PCDH15: variants seen among roughly 807,000 people sequenced by gnomAD.
PCDH15 encodes protocadherin related 15, also known as protocadherin-15.
Under a neutral mutation model 178.5 loss-of-function variants are expected in PCDH15, and 129 were observed. That is an observed-to-expected ratio of 0.72 (90% confidence interval 0.63 to 0.84). The LOEUF (loss-of-function observed/expected upper bound fraction) is 0.84, where lower values mean the gene tolerates loss of function less well. Among genes scored for constraint, PCDH15 ranks in the 40% least tolerant of loss-of-function variants. The pLI is 0.00. For missense variants in PCDH15, 2,230 were observed against 2,099.9 expected, an observed-to-expected ratio of 1.06 and a Z score of -1.21; for synonymous variants, 800 against 732.0, an observed-to-expected ratio of 1.09 and a Z score of -1.50.
intron 8 of PCDH15, among the ~76,000 whole-genome samples, chr10:54,293,298 C>T (rs950852914): frequency 2.0e-5 from 3 of 152,132 alleles, no homozygotes; most frequent in Admixed American, 1.3e-4. Flanking sequence ...CTTCCTTACA[C>T]CTTATACAAA....
intron 8 of PCDH15, among the ~76,000 whole-genome samples, chr10:54,298,617 A>G (rs899290619): frequency 9.9e-5 from 15 of 152,190 alleles, no homozygotes; most frequent in African/African-American, 3.6e-4. Flanking sequence ...CAGAGGGCAA[A>G]GGTTCTCTGG....
intron 2 of PCDH15, among the ~76,000 whole-genome samples, chr10:55,378,405 T>TAGA (rs1307034365): frequency 3.9e-5 from 6 of 152,110 alleles, no homozygotes; most frequent in Non-Finnish European, 5.9e-5. Flanking sequence ...ACTGTTGGAA[T>TAGA]TTGGTGCTAT....
intron 2 of PCDH15, among the ~76,000 whole-genome samples, chr10:55,065,699 G>T (rs1841547774): frequency 6.6e-6 from 1 of 151,958 alleles, no homozygotes; most frequent in African/African-American, 2.4e-5. Flanking sequence ...AAAAATAGTG[G>T]ATTCTTAGTA....
intron 2 of PCDH15, among the ~76,000 whole-genome samples, chr10:55,539,908 A>T (rs1429716546): frequency 6.6e-6 from 1 of 152,096 alleles, no homozygotes; most frequent in Middle Eastern, 3.2e-3. Context: ...TAATCCTCAC[A>T]ATTCTTTGAG....
intron 15 of PCDH15, among the ~76,000 whole-genome samples, chr10:54,123,115 G>C (rs939389323): frequency 5.3e-5 from 8 of 152,106 alleles, no homozygotes; most frequent in African/African-American, 1.4e-4. Flanking sequence ...CTTTGGCAAA[G>C]GATTTATGAT....
At chr10:54,498,895 G>A (rs1404303432) in intron 3 of PCDH15, among the ~76,000 whole-genome samples, 2 of 152,082 alleles carry the variant, frequency 1.3e-5, no homozygotes, top group African/African-American at 4.8e-5. Flanking sequence ...GATGGAAGGG[G>A]AAGTAGGCAC....
At chr10:54,426,838 T>G (rs1358019025) in intron 3 of PCDH15, among the ~76,000 whole-genome samples, 1 of 152,080 alleles carries the variant, frequency 6.6e-6, no homozygotes. Flanking sequence ...TATCTACTTT[T>G]AAATACTTTA....
chr10:55,608,101 T>C (rs888365666), intron 2 of PCDH15, among the ~76,000 whole-genome samples: 3 of 152,028 alleles, frequency 2.0e-5, no homozygotes, highest in African/African-American at 4.8e-5. Context: ...TCTATGAGTG[T>C]AGAAGTAATA....
intron 1 of PCDH15, among the ~76,000 whole-genome samples, chr10:54,769,700 G>A (rs1006845566): frequency 1.3e-5 from 2 of 151,988 alleles, no homozygotes; most frequent in African/African-American, 2.4e-5. Context: ...TTGTGACAAA[G>A]TTTCTAGAAT....
rs142265872 is a variant in PCDH15, at chr10:55,401,407, T to C, written c.-156+226218A>G. Among the ~76,000 whole-genome samples the C allele has an allele frequency of 5.0e-4, 76 of 152,164 alleles. 1 individual carries two copies. Among genetic ancestry groups the C allele is most frequent in the African/African-American group, 1.6e-3 (68 of 41,554 alleles). ...TAGTCATATGGGAGGAATTTGGCCA[T>C]AGAAATGATAAAGAAGAAAATGACA... On this transcript the variant is annotated intron_variant, in intron 2 of 5. Transcript: ENST00000613346.
chr10:55,370,720 C>T (rs1845486606), intron 2 of PCDH15, among the ~76,000 whole-genome samples: 1 of 152,024 alleles, frequency 6.6e-6, no homozygotes, highest in African/African-American at 2.4e-5. Context: ...AGAAGTGTAC[C>T]TTTAAGCCAC....
At chr10:54,774,930 C>A (rs1949530558) in intron 1 of PCDH15, among the ~76,000 whole-genome samples, 1 of 152,074 alleles carries the variant, frequency 6.6e-6, no homozygotes, top group South Asian at 2.1e-4. Context: ...TGCTTTTTTA[C>A]TTTGAGGTTT....
intron 2 of PCDH15, among the ~76,000 whole-genome samples, chr10:55,416,224 G>A (rs1261248203): frequency 1.3e-5 from 2 of 151,490 alleles, no homozygotes; most frequent in Non-Finnish European, 3.0e-5. Context: ...CTTTCCCTTA[G>A]TAACATCCTC....
At chr10:55,334,278 GTGTGTGTA>G (rs1268798550) in intron 2 of PCDH15, among the ~76,000 whole-genome samples, 9 of 131,376 alleles carry the variant, frequency 6.9e-5, no homozygotes, top group African/African-American at 2.7e-4. Context: ...GTGTGTGTGT[GTGTGTGTA>G]TGTGTATATA....
At chr10:54,228,150 G>A (rs551769622) in intron 9 of PCDH15, among the ~76,000 whole-genome samples, 1 of 152,150 alleles carries the variant, frequency 6.6e-6, no homozygotes, top group South Asian at 2.1e-4. Context: ...TACTGTATTA[G>A]TTCATTTTCA....
At chr10:55,588,072 C>T (rs1842763068) in intron 2 of PCDH15, among the ~76,000 whole-genome samples, 1 of 152,116 alleles carries the variant, frequency 6.6e-6, no homozygotes, top group South Asian at 2.1e-4. Context: ...ATGGACAAAG[C>T]AACTTGGATC....
At chr10:54,967,750 A>G (rs1327921600) in intron 2 of PCDH15, among the ~76,000 whole-genome samples, 1 of 152,128 alleles carries the variant, frequency 6.6e-6, no homozygotes, top group Admixed American at 6.5e-5. Context: ...AATAACAGAA[A>G]TGTATTTCCT....
At chr10:54,508,062 T>C (rs1449677463) in intron 3 of PCDH15, among the ~76,000 whole-genome samples, 2 of 151,994 alleles carry the variant, frequency 1.3e-5, no homozygotes, top group African/African-American at 4.8e-5. Flanking sequence ...ATTTCACATT[T>C]TATAGTTAGA....
intron 2 of PCDH15, among the ~76,000 whole-genome samples, chr10:54,964,999 T>A (rs560982629): frequency 1.3e-5 from 2 of 152,328 alleles, no homozygotes; most frequent in Admixed American, 6.5e-5. Flanking sequence ...AGTACCATTT[T>A]AAATATATTT....
Sources: gnomAD v4.1 joint callset for allele counts (sites outside exome capture counted in the v4.1 genomes callset) on GRCh38, gnomAD v4.1.1 for gene constraint, MANE v1.5 for transcripts, NCBI Gene and HGNC (gene_info 2026-07-23, HGNC 2026-07-21) for gene names.